Variants in VPS4B observed in about 807,000 individuals in gnomAD.
VPS4B encodes vacuolar protein sorting 4 homolog B.
In VPS4B, 23 loss-of-function variants were observed where a neutral mutation model predicts 56.1. The ratio of observed to expected loss-of-function variants is 0.41; its 90% CI spans 0.30 to 0.58. The LOEUF (loss-of-function observed/expected upper bound fraction) is 0.58, where lower values mean the gene tolerates loss of function less well. Ranked by LOEUF, VPS4B falls within the 20% of genes least tolerant of loss-of-function variation. VPS4B has a pLI of 0.29. For synonymous variants in VPS4B, 177 were observed against 186.0 expected (o/e 0.95, Z 0.39); for missense variants, 372 against 531.9 (o/e 0.70, Z 2.96).
At chr18:63,410,791 A>G (rs1329598323) in intron 2 of VPS4B, among the ~76,000 whole-genome samples, 1 of 152,354 alleles carries the variant, frequency 6.6e-6, no homozygotes, top group African/African-American at 2.4e-5. Flanking sequence ...GACAAACCCA[A>G]TTATAAAAAA....
intron 3 of VPS4B, among the ~76,000 whole-genome samples, chr18:63,407,782 G>A (rs1375511213): frequency 6.6e-6 from 1 of 152,188 alleles, no homozygotes. Context: ...ATTCATAAAT[G>A]CATGCCCCAC....
chr18:63,422,325 A>T lies in VPS4B; in HGVS notation c.-66T>A. The T allele has an allele frequency of 7.1e-7, 1 of 1,418,084 alleles. No individual in the cohort carries two copies. Among genetic ancestry groups the T allele is most frequent in the South Asian group, 1.5e-5 (1 of 65,414 alleles). The allele number at this position is 1,418,084 out of a possible 1,614,324, so 87.8% of individuals were successfully genotyped here. ...GGAGAGCCAACAGCAGCAACGTCGA[A>T]GCGCGCACGGGGTAACAGCCCTCAA... On this transcript the variant is annotated 5_prime_UTR_variant, in exon 1 of 11. Transcript: ENST00000238497.
intron 1 of VPS4B, among the ~76,000 whole-genome samples, chr18:63,421,193 A>G (rs1486389856): frequency 6.6e-6 from 1 of 152,236 alleles, no homozygotes; most frequent in Non-Finnish European, 1.5e-5. Context: ...GTCGATTTTC[A>G]AGATGAAAGT....
chr18:63,406,808 C>T (rs527795129), intron 4 of VPS4B, among the ~76,000 whole-genome samples: 37 of 152,260 alleles, frequency 2.4e-4, no homozygotes, highest in African/African-American at 8.7e-4. Context: ...GTCACTTGCC[C>T]ACAATTAGAA....
intron 3 of VPS4B, among the ~76,000 whole-genome samples, chr18:63,408,434 A>G (rs916825732): frequency 3.9e-5 from 6 of 152,198 alleles, no homozygotes; most frequent in Non-Finnish European, 4.4e-5. Flanking sequence ...CATGCTGTCC[A>G]GTACTATAAA....
At chr18:63,418,462 TACACG>T (rs1916220431) in intron 1 of VPS4B, among the ~76,000 whole-genome samples, 1 of 151,828 alleles carries the variant, frequency 6.6e-6, no homozygotes, top group Non-Finnish European at 1.5e-5. Flanking sequence ...CAGGCTGGAG[TACACG>T]GGTGTGATCA....
At chr18:63,407,230 C>T (rs368210014) in intron 4 of VPS4B, 42 of 526,364 alleles carry the variant, frequency 8.0e-5, no homozygotes, top group East Asian at 1.3e-4. Context: ...AAAACTATTA[C>T]ATAAAAAAGA....
intron 8 of VPS4B, among the ~76,000 whole-genome samples, chr18:63,398,695 C>T (rs973049965): frequency 2.6e-5 from 4 of 151,648 alleles, no homozygotes; most frequent in African/African-American, 9.7e-5. Context: ...ATTAGCTGGG[C>T]GTGGTGGTGC....
At chr18:63,401,253 C>T (rs200730683) in intron 5 of VPS4B, among the ~76,000 whole-genome samples, 12 of 149,434 alleles carry the variant, frequency 8.0e-5, no homozygotes, top group Admixed American at 7.2e-4. Context: ...AGCAGACTTT[C>T]TTTTATTTTA....
rs1018115808 is a variant in VPS4B, at chr18:63,390,423, T to A, written c.*552A>T. The A allele has an allele frequency of 1.3e-5, 2 of 152,622 alleles. No individual in the cohort carries two copies. Among genetic ancestry groups the A allele is most frequent in the African/African-American group, 4.8e-5 (2 of 41,440 alleles). 9.5% of individuals were successfully genotyped at this position (152,622 alleles called of 1,614,324 possible). ...ATTTAAATCTACACAGAAAAAAATA[T>A]CAACTTATTAAAAACTATTAAGAGC... On this transcript the variant is annotated 3_prime_UTR_variant, in exon 11 of 11. Coordinates refer to ENST00000238497, the MANE Select transcript of VPS4B (RefSeq NM_004869.4).
intron 2 of VPS4B, among the ~76,000 whole-genome samples, chr18:63,410,655 A>G (rs1417526455): frequency 5.3e-5 from 8 of 152,252 alleles, no homozygotes; most frequent in Non-Finnish European, 5.9e-5. Context: ...TCTGAATCAG[A>G]AACAACCTAA....
intron 4 of VPS4B, among the ~76,000 whole-genome samples, chr18:63,405,346 T>G (rs993116548): frequency 6.6e-6 from 1 of 152,074 alleles, no homozygotes; most frequent in Non-Finnish European, 1.5e-5. Context: ...GATTTTTAAT[T>G]TTAACAAATA....
rs1456616031 is a variant in VPS4B at position 63,390,343 on chromosome 18, G to A, written c.*632C>T. On this transcript the variant is annotated 3_prime_UTR_variant, in exon 11 of 11. Coordinates refer to ENST00000238497, the MANE Select transcript of VPS4B (RefSeq NM_004869.4). The stretch of plus-strand genomic sequence containing the variant: ...CCCATCGTAGCCTCCCAAAGTGCTG[G>A]GATTACAGGCATAAGCCACCATGCC... The A allele has an allele frequency of 6.6e-6, 1 of 152,552 alleles. No homozygotes were observed. Among genetic ancestry groups the A allele is most frequent in the East Asian group, 1.9e-4 (1 of 5,200 alleles). The allele number at this position is 152,552 out of a possible 1,614,324, so 9.4% of individuals were successfully genotyped here. A position where few individuals can be genotyped will look rare whatever the true frequency, so the allele number is the denominator to read the frequency against.
At chr18:63,391,403 A>T (rs893033754) in intron 10 of VPS4B, among the ~76,000 whole-genome samples, 1 of 151,970 alleles carries the variant, frequency 6.6e-6, no homozygotes, top group Non-Finnish European at 1.5e-5. Context: ...TAATTTTTGT[A>T]TTTTTAGTAG....
At chr18:63,394,465 ACTT>A (rs1915625414) in intron 9 of VPS4B, among the ~76,000 whole-genome samples, 1 of 150,832 alleles carries the variant, frequency 6.6e-6, no homozygotes, top group East Asian at 1.9e-4. Flanking sequence ...ACTTGGAGGC[ACTT>A]CTTTTTTTTT....
At chr18:63,412,113 A>G (rs1349901404) in intron 1 of VPS4B, among the ~76,000 whole-genome samples, 1 of 152,238 alleles carries the variant, frequency 6.6e-6, no homozygotes, top group Non-Finnish European at 1.5e-5. Context: ...CTGAGCACAG[A>G]TATTATCAGA....
chr18:63,420,211 C>T (rs541840505), intron 1 of VPS4B, among the ~76,000 whole-genome samples: 2 of 152,274 alleles, frequency 1.3e-5, no homozygotes, highest in South Asian at 4.1e-4. Context: ...CTTTGGGAGG[C>T]TAAGGCGGGC....
chr18:63,390,731 G>A lies in VPS4B; in HGVS notation c.*244C>T. On this transcript the variant is annotated 3_prime_UTR_variant, in exon 11 of 11. Coordinates refer to ENST00000238497, the MANE Select transcript of VPS4B (RefSeq NM_004869.4). ...ACATCCTTTTTACTGGGTAATTTCT[G>A]TTTTTATGCCGTTCATATATCGCTC... 4.3e-6 allele frequency: 1 copy of A among 233,208 alleles called. No individual in the cohort carries two copies. Among genetic ancestry groups the A allele is most frequent in the Non-Finnish European group, 8.2e-6 (1 of 121,674 alleles). The allele number at this position is 233,208 out of a possible 1,614,324, so 14.4% of individuals were successfully genotyped here. A position where few individuals can be genotyped will look rare whatever the true frequency, so the allele number is the denominator to read the frequency against.
At chr18:63,409,789 A>C (rs1376530784) in intron 3 of VPS4B, among the ~76,000 whole-genome samples, 1 of 152,228 alleles carries the variant, frequency 6.6e-6, no homozygotes, top group African/African-American at 2.4e-5. Context: ...TATCCAAAAA[A>C]AATTTACATT....
Sources: gnomAD v4.1 joint callset for allele counts (sites outside exome capture counted in the v4.1 genomes callset) on GRCh38, gnomAD v4.1.1 for gene constraint, MANE v1.5 for transcripts, NCBI Gene and HGNC (gene_info 2026-07-23, HGNC 2026-07-21) for gene names.